Variants in RSRC1 observed in about 807,000 individuals in gnomAD.
The protein encoded by RSRC1 is arginine and serine rich coiled-coil 1, also known as serine/Arginine-related protein 53.
A neutral mutation model predicts 49.1 loss-of-function variants in RSRC1; 39 were observed. That is an observed-to-expected ratio of 0.79 (90% CI 0.61 to 1.04). The LOEUF (loss-of-function observed/expected upper bound fraction) is 1.04, where lower values mean the gene tolerates loss of function less well. RSRC1 is among the 50% of genes least tolerant of loss of function. RSRC1 has a pLI of 0.00. For synonymous variants in RSRC1, 143 were observed against 130.8 expected, an observed-to-expected ratio of 1.09 and a Z score of -0.63; for missense variants, 388 against 402.4, an observed-to-expected ratio of 0.96 and a Z score of 0.31.
intron 3 of RSRC1, among the ~76,000 whole-genome samples, chr3:158,148,431 A>C (rs1295697734): frequency 2.0e-5 from 3 of 151,988 alleles, no homozygotes; most frequent in Non-Finnish European, 4.4e-5. Flanking sequence ...TGACTCAGAG[A>C]AACAGTACAG....
At chr3:158,402,656 A>C (rs1281789060) in intron 6 of RSRC1, among the ~76,000 whole-genome samples, 1 of 151,842 alleles carries the variant, frequency 6.6e-6, no homozygotes, top group Admixed American at 6.6e-5. Flanking sequence ...GTAGTCATTC[A>C]CCATTTTGTA....
intron 5 of RSRC1, among the ~76,000 whole-genome samples, chr3:158,332,807 C>G (rs1729626675): frequency 6.6e-6 from 1 of 151,734 alleles, no homozygotes; most frequent in Non-Finnish European, 1.5e-5. Context: ...AAATCTGGAT[C>G]ATTTTACATA....
chr3:158,222,112 G>T (rs946573531), intron 4 of RSRC1, among the ~76,000 whole-genome samples: 1 of 151,436 alleles, frequency 6.6e-6, no homozygotes, highest in African/African-American at 2.4e-5. Context: ...GGCAGTTTAC[G>T]ATCAGTTATA....
At chr3:158,144,097 A>G (rs1716923575) in intron 3 of RSRC1, among the ~76,000 whole-genome samples, 1 of 152,232 alleles carries the variant, frequency 6.6e-6, no homozygotes, top group African/African-American at 2.4e-5. Flanking sequence ...TTGTAAGTAG[A>G]ATAAACACCT....
chr3:158,176,971 A>G (rs1314182951), intron 3 of RSRC1, among the ~76,000 whole-genome samples: 1 of 152,218 alleles, frequency 6.6e-6, no homozygotes, highest in African/African-American at 2.4e-5. Flanking sequence ...CCCATCCAAA[A>G]GTGGGCAAAT....
intron 7 of RSRC1, among the ~76,000 whole-genome samples, chr3:158,471,432 ATT>A (rs1738130209): frequency 6.6e-6 from 1 of 152,134 alleles, no homozygotes; most frequent in Non-Finnish European, 1.5e-5. Flanking sequence ...GAAGTTAGCT[ATT>A]GTTATTATAG....
At chr3:158,329,446 T>C (rs827186) in intron 5 of RSRC1, among the ~76,000 whole-genome samples, 144,182 of 152,300 alleles carry the variant, frequency 0.95, 68,353 homozygotes, top group East Asian at 1. Flanking sequence ...TGTTAGTTTT[T>C]CTTCTAACAG....
chr3:158,292,019 G>A (rs949400590), intron 4 of RSRC1, among the ~76,000 whole-genome samples: 3 of 152,164 alleles, frequency 2.0e-5, no homozygotes, highest in African/African-American at 7.2e-5. Flanking sequence ...TGCCTACCAT[G>A]GCATAATTGA....
At chr3:158,296,648 A>G (rs926839574) in intron 4 of RSRC1, among the ~76,000 whole-genome samples, 2 of 152,152 alleles carry the variant, frequency 1.3e-5, no homozygotes, top group East Asian at 1.9e-4. Context: ...ATTTATATAG[A>G]TAGTAGCCTT....
intron 3 of RSRC1, among the ~76,000 whole-genome samples, chr3:158,155,424 G>T (rs1717799893): frequency 6.6e-6 from 1 of 151,800 alleles, no homozygotes; most frequent in Non-Finnish European, 1.5e-5. Flanking sequence ...CATTGTCAGT[G>T]AACTATATTT....
chr3:158,316,015 T>TA (rs1443946272), intron 5 of RSRC1, among the ~76,000 whole-genome samples: 2 of 151,580 alleles, frequency 1.3e-5, no homozygotes, highest in East Asian at 3.9e-4. Flanking sequence ...CCACTAAAAA[T>TA]AAAAAAATTA....
At chr3:158,394,335 A>T (rs1213292672) in intron 6 of RSRC1, among the ~76,000 whole-genome samples, 1 of 152,246 alleles carries the variant, frequency 6.6e-6, no homozygotes, top group East Asian at 1.9e-4. Flanking sequence ...AAAAAAAGGC[A>T]TTCAAATAGG....
At chr3:158,484,931 A>T (rs1005654119) in intron 7 of RSRC1, among the ~76,000 whole-genome samples, 4 of 152,130 alleles carry the variant, frequency 2.6e-5, no homozygotes, top group African/African-American at 9.7e-5. Flanking sequence ...TATAAGATGC[A>T]GATTCTCTAC....
intron 4 of RSRC1, among the ~76,000 whole-genome samples, chr3:158,228,854 T>TGTATATATGTATATAAACACAC (rs1722679747): frequency 7.4e-6 from 1 of 135,210 alleles, no homozygotes; most frequent in South Asian, 2.4e-4. Flanking sequence ...TAAACACACA[T>TGTATATATGTATATAAACACAC]ACGTGTATAT....
intron 6 of RSRC1, among the ~76,000 whole-genome samples, chr3:158,453,361 A>G (rs1186323274): frequency 6.6e-6 from 1 of 150,404 alleles, no homozygotes; most frequent in Non-Finnish European, 1.5e-5. Flanking sequence ...AGATAGGCCA[A>G]AAGTCTGTGT....
intron 6 of RSRC1, among the ~76,000 whole-genome samples, chr3:158,429,686 T>C (rs1468639052): frequency 1.3e-5 from 2 of 151,222 alleles, no homozygotes; most frequent in Non-Finnish European, 3.0e-5. Context: ...TACAATAGAA[T>C]AGTATCCAAC....
Position 158,543,324 on chromosome 3 carries a change from G to GTTTTTT in RSRC1, c.760-8_760-7insTTTTTT. On this transcript the variant is annotated splice_polypyrimidine_tract_variant and intron_variant, in intron 8 of 9. Coordinates refer to ENST00000611884, the MANE Select transcript of RSRC1 (RefSeq NM_001271838.2). The stretch of plus-strand genomic sequence containing the variant: ...TATTGTGTTGAAATTAATATGTGTT[G>GTTTTTT]TTTCTTTCAGTCAGTGGAACCTAGT... 1 of 1,527,356 alleles carries GTTTTTT rather than the reference G, an allele frequency of 6.5e-7. No individual in the cohort carries two copies. 94.6% of individuals were successfully genotyped at this position (1,527,356 alleles called of 1,614,324 possible).
At chr3:158,471,807 T>C (rs1029777074) in intron 7 of RSRC1, among the ~76,000 whole-genome samples, 3 of 152,146 alleles carry the variant, frequency 2.0e-5, no homozygotes, top group African/African-American at 7.2e-5. Context: ...AGTCATCTTA[T>C]TGAATCCTAT....
chr3:158,495,042 G>A (rs1388061407), intron 7 of RSRC1, among the ~76,000 whole-genome samples: 1 of 152,124 alleles, frequency 6.6e-6, no homozygotes, highest in Non-Finnish European at 1.5e-5. Context: ...GCGCTGCTTT[G>A]TTTCCACCAG....
Sources: gnomAD v4.1 joint callset for allele counts (sites outside exome capture counted in the v4.1 genomes callset) on GRCh38, gnomAD v4.1.1 for gene constraint, MANE v1.5 for transcripts, NCBI Gene and HGNC (gene_info 2026-07-23, HGNC 2026-07-21) for gene names.